TRPC5: variants seen among roughly 807,000 people sequenced by gnomAD.
TRPC5 encodes the protein transient receptor potential cation channel subfamily C member 5, also known as short transient receptor potential channel 5.
A neutral mutation model predicts 56.5 loss-of-function variants in TRPC5; 9 were observed. The ratio of observed to expected loss-of-function variants is 0.16; its 90% CI spans 0.10 to 0.28. The LOEUF (loss-of-function observed/expected upper bound fraction) is 0.28. TRPC5 is among the 10% of genes least tolerant of loss of function. The pLI is 1.00. For synonymous variants in TRPC5, 282 were observed against 278.5 expected (o/e 1.01, Z -0.13); for missense variants, 469 against 748.9 (o/e 0.63, Z 4.36).
intron 1 of TRPC5, among the ~76,000 whole-genome samples, chrX:112,027,755 C>T (rs1395946427): frequency 9.0e-6 from 1 of 111,618 alleles, no homozygotes; most frequent in East Asian, 2.8e-4. Flanking sequence ...CTTGGCCTCC[C>T]AAAGTGCTGA....
intron 7 of TRPC5, among the ~76,000 whole-genome samples, chrX:111,784,376 AAAT>A (rs1945943760): frequency 8.9e-6 from 1 of 112,542 alleles, no homozygotes; most frequent in African/African-American, 3.2e-5. Context: ...GAACGTGAGA[AAAT>A]AATTTAATAT....
At chrX:111,916,002 G>C (rs1309249693) in intron 2 of TRPC5, among the ~76,000 whole-genome samples, 2 of 110,834 alleles carry the variant, frequency 1.8e-5, no homozygotes, top group Admixed American at 1.9e-4. Context: ...GCAAGCACCT[G>C]TAGTCCCAGC....
intron 1 of TRPC5, among the ~76,000 whole-genome samples, chrX:112,020,515 C>T (rs1164022221): frequency 8.9e-6 from 1 of 111,936 alleles, no homozygotes; most frequent in East Asian, 2.8e-4. Context: ...TTGAAGGAAC[C>T]TTACCTGAGT....
chrX:111,994,372 T>A (rs1056426121), intron 1 of TRPC5, among the ~76,000 whole-genome samples: 3 of 111,654 alleles, frequency 2.7e-5, no homozygotes, highest in South Asian at 3.7e-4. Context: ...CTTAGGATTG[T>A]CTTGGCAATG....
chrX:112,076,811 T>C lies in TRPC5; in HGVS notation c.-22+5068A>G, dbSNP rs149939599. On this transcript the variant is annotated intron_variant, in intron 1 of 10. Transcript: ENST00000262839. The stretch of plus-strand genomic sequence containing the variant: ...GTGATTTCACTAGGGACACCTGTAA[T>C]TCCTTCTGAAAAAATATTTGTTTCT... Among the ~76,000 whole-genome samples the C allele has an allele frequency of 3.2e-3, 353 of 111,921 alleles. 2 individuals are homozygous for C. The highest frequency in any genetic ancestry group is 5.2e-3 in the Non-Finnish European group (277 of 53,182).
chrX:112,030,127 T>C (rs1189519684), intron 1 of TRPC5, among the ~76,000 whole-genome samples: 1 of 112,692 alleles, frequency 8.9e-6, no homozygotes, highest in Non-Finnish European at 1.9e-5. Flanking sequence ...ACCCAGCTGA[T>C]AGCCTCATCT....
At chrX:112,024,484 T>A (rs1422588893) in intron 1 of TRPC5, among the ~76,000 whole-genome samples, 1 of 112,025 alleles carries the variant, frequency 8.9e-6, no homozygotes, top group Non-Finnish European at 1.9e-5. Flanking sequence ...CTCAAGCCTG[T>A]GGCTTTTGGG....
At chrX:112,029,184 A>G (rs778799172) in intron 1 of TRPC5, among the ~76,000 whole-genome samples, 4 of 105,899 alleles carry the variant, frequency 3.8e-5, no homozygotes, top group Non-Finnish European at 7.7e-5. Flanking sequence ...TCTACTCTCT[A>G]TGTCTGTGAG....
In TRPC5 at chrX:112,024,843, A is replaced by ACAC. The variant is rs1266643744; in HGVS notation, c.-22+57035_-22+57036insGTG. Among the ~76,000 whole-genome samples the ACAC allele has an allele frequency of 1.2e-4, 13 of 112,177 alleles. No homozygotes were observed. The East Asian group carries it at 3.7e-3, about 32-fold the overall frequency. ...CCTGACTCAATTTATGTGTGACATG[A>ACAC]CTTTGGGTAAGTCACCTCCCTGGGA... On this transcript the variant is annotated intron_variant, in intron 1 of 10. Transcript: ENST00000262839.
chrX:111,988,718 G>A (rs183601125), intron 1 of TRPC5, among the ~76,000 whole-genome samples: 2 of 110,921 alleles, frequency 1.8e-5, no homozygotes, highest in East Asian at 5.7e-4. Flanking sequence ...CATATGATTT[G>A]CCTACTGTCC....
intron 7 of TRPC5, among the ~76,000 whole-genome samples, chrX:111,819,885 C>T (rs1921979079): frequency 8.9e-6 from 1 of 111,822 alleles, no homozygotes. Flanking sequence ...TGAACAAACA[C>T]ACCTGGCATG....
rs1425969797 is a variant in TRPC5 at position 111,776,849 on chromosome X, T to A, written c.2386A>T (p.Ser796Cys). ...TTGCAGCCTAAATTAAAAGAGACAC[T>A]CTTGGATTTGGCCCGAGCCCCACCA... The part of the protein sequence containing the change: ...GSGGARAKSK[S>C]VSFNLGCKKK... The change falls in exon 11 of 11, where the codon AGT becomes TGT. Residue 796 changes from serine (S) to cysteine (C), a missense_variant. Ser to Cys is a moderately radical substitution (Grantham distance 112). This residue lies in a region of TRPC5 where 194 missense variants were observed against 221.8 expected (regional missense o/e 0.87). Coordinates refer to ENST00000262839, the MANE Select transcript of TRPC5 (RefSeq NM_012471.3). The A allele has an allele frequency of 1.7e-6, 2 of 1,209,682 alleles. No homozygotes were observed. The highest frequency in any genetic ancestry group is 4.4e-5 in the Admixed American group (2 of 45,689).
At chrX:111,894,373 C>T (rs1341850628) in intron 3 of TRPC5, among the ~76,000 whole-genome samples, 3 of 111,538 alleles carry the variant, frequency 2.7e-5, no homozygotes, top group Non-Finnish European at 1.9e-5. Flanking sequence ...ATTAGTTGTG[C>T]AGACAAAAAA....
intron 1 of TRPC5, among the ~76,000 whole-genome samples, chrX:112,030,427 T>C (rs949090635): frequency 8.0e-5 from 9 of 112,352 alleles, no homozygotes; most frequent in African/African-American, 2.9e-4. Flanking sequence ...TTCTTGTTAA[T>C]CGCTATAGCA....
chrX:112,033,099 C>T lies in TRPC5; in HGVS notation c.-22+48780G>A, dbSNP rs779344549. Among the ~76,000 whole-genome samples the T allele has an allele frequency of 9.4e-4, 101 of 107,230 alleles. 1 individual carries two copies. The highest frequency in any genetic ancestry group is 3.3e-3 in the African/African-American group (98 of 29,389). The allele number at this position is 107,230 out of a possible 115,157, so 93.1% of individuals were successfully genotyped here. A position where few individuals can be genotyped will look rare whatever the true frequency, so the allele number is the denominator to read the frequency against. Reference sequence around the variant, plus strand: ...ATGGATGAAGCTGGAAACCATCATTCTCAGCAAACTATTGCAAGGACAGAA... The same window carrying T: ...ATGGATGAAGCTGGAAACCATCATTTTCAGCAAACTATTGCAAGGACAGAA... On this transcript the variant is annotated intron_variant, in intron 1 of 10. Transcript: ENST00000262839.
chrX:111,991,209 G>A (rs1041078792), intron 1 of TRPC5, among the ~76,000 whole-genome samples: 23 of 106,963 alleles, frequency 2.2e-4, no homozygotes, highest in Non-Finnish European at 2.8e-4. Flanking sequence ...CATTCCTGCC[G>A]GTACCACAGT....
chrX:112,061,963 G>T (rs1350682290), intron 1 of TRPC5, among the ~76,000 whole-genome samples: 1 of 111,891 alleles, frequency 8.9e-6, no homozygotes, highest in Non-Finnish European at 1.9e-5. Flanking sequence ...ATAATGGTTT[G>T]ATTTTCTTTT....
intron 1 of TRPC5, among the ~76,000 whole-genome samples, chrX:112,070,883 T>C (rs1254838435): frequency 9.0e-6 from 1 of 111,709 alleles, no homozygotes; most frequent in Non-Finnish European, 1.9e-5. Flanking sequence ...ATTTCTACCA[T>C]ATCAAAAGTC....
At chrX:111,904,262 A>G (rs73266318) in intron 3 of TRPC5, among the ~76,000 whole-genome samples, 1 of 112,541 alleles carries the variant, frequency 8.9e-6, no homozygotes, top group Non-Finnish European at 1.9e-5. Flanking sequence ...AGCCTTTGGC[A>G]TGACATATCT....
Sources: allele counts gnomAD v4.1 joint callset (sites outside exome capture counted in the v4.1 genomes callset), GRCh38; gene constraint gnomAD v4.1.1; regional missense constraint gnomAD v4.1.1; transcripts MANE v1.5; gene names NCBI Gene and HGNC (gene_info 2026-07-23, HGNC 2026-07-21).